The following RARB variants were observed in gnomAD, a reference collection of about 807,000 sequenced individuals.
RARB encodes the protein HBV-activated protein.
RARB carries 17 observed loss-of-function variants against 51.9 expected under a neutral mutation model. That is an observed-to-expected ratio of 0.33 (90% confidence interval 0.22 to 0.49). The LOEUF (loss-of-function observed/expected upper bound fraction) is 0.49. Ranked by LOEUF, RARB falls within the 20% of genes least tolerant of loss-of-function variation. The pLI, the probability that RARB is intolerant of heterozygous loss-of-function variation, is 0.99. For missense variants in RARB, 369 were observed against 550.8 expected, an observed-to-expected ratio of 0.67 and a Z score of 3.30; for synonymous variants, 215 against 195.4, an observed-to-expected ratio of 1.10 and a Z score of -0.84.
intron 5 of RARB, among the ~76,000 whole-genome samples, chr3:25,199,913 C>G (rs932892004): frequency 6.6e-6 from 1 of 152,122 alleles, no homozygotes; most frequent in Non-Finnish European, 1.5e-5. Flanking sequence ...CATATGTGTG[C>G]ATGTGTCTTC....
chr3:25,165,149 G>A (rs917563494), intron 4 of RARB, among the ~76,000 whole-genome samples: 2 of 152,040 alleles, frequency 1.3e-5, no homozygotes, highest in African/African-American at 4.8e-5. Flanking sequence ...AAAGACACCG[G>A]CCTCACAATG....
chr3:25,306,688 G>A (rs1027272365), intron 5 of RARB, among the ~76,000 whole-genome samples: 5 of 152,158 alleles, frequency 3.3e-5, no homozygotes, highest in African/African-American at 1.2e-4. Flanking sequence ...AAGTTCGCAT[G>A]TCATTTACTA....
chr3:25,198,995 T>C (rs1020104965), intron 5 of RARB, among the ~76,000 whole-genome samples: 6 of 152,192 alleles, frequency 3.9e-5, no homozygotes, highest in Admixed American at 3.3e-4. Context: ...TGCATTCTCA[T>C]GTTTATTGTA....
chr3:25,500,452 TTG>T (rs1244730279), intron 2 of RARB, among the ~76,000 whole-genome samples: 1 of 127,472 alleles, frequency 7.8e-6, no homozygotes, highest in East Asian at 2.2e-4. Context: ...CTTTCTTTTC[TTG>T]TTTTTTTTTT....
intron 5 of RARB, among the ~76,000 whole-genome samples, chr3:25,246,818 G>A (rs999455959): frequency 2.0e-5 from 3 of 152,150 alleles, no homozygotes; most frequent in African/African-American, 4.8e-5. Flanking sequence ...ACTTGAGGAC[G>A]CAGTCTGTCC....
At chr3:25,167,767 TGGAG>T (rs562763627) in intron 4 of RARB, among the ~76,000 whole-genome samples, 119 of 152,316 alleles carry the variant, frequency 7.8e-4, no homozygotes, top group African/African-American at 2.7e-3. Flanking sequence ...GACTGAAAAC[TGGAG>T]GAAGATGTGA....
chr3:24,984,274 T>C (rs1428474348), intron 2 of RARB, among the ~76,000 whole-genome samples: 2 of 152,142 alleles, frequency 1.3e-5, no homozygotes, highest in Non-Finnish European at 1.5e-5. Context: ...AACATGGAAA[T>C]GCACATAAAA....
At chr3:24,901,457 C>T (rs1703603170) in intron 2 of RARB, among the ~76,000 whole-genome samples, 1 of 152,066 alleles carries the variant, frequency 6.6e-6, no homozygotes, top group Admixed American at 6.6e-5. Flanking sequence ...CCCAGGCTGG[C>T]CTGGAATTCC....
rs561071224 is a variant in RARB at position 25,130,539 on chromosome 3, T to C, written c.-327-1622T>C. Among the ~76,000 whole-genome samples, 9 of 152,062 alleles carry C rather than the reference T, an allele frequency of 5.9e-5. 1 individual carries two copies. Among genetic ancestry groups the C allele is most frequent in the African/African-American group, 2.2e-4 (9 of 41,508 alleles). Reference sequence around the variant, plus strand: ...TGGACCACCTTGTATTTACTCTCTTTCCTTCCTGGCGCACTGCATTTTTTT... The same window carrying C: ...TGGACCACCTTGTATTTACTCTCTTCCCTTCCTGGCGCACTGCATTTTTTT... On this transcript the variant is annotated intron_variant, in intron 3 of 11. Transcript: ENST00000383772.
intron 5 of RARB, among the ~76,000 whole-genome samples, chr3:25,206,601 G>A (rs140023450): frequency 2.0e-4 from 30 of 151,874 alleles, no homozygotes; most frequent in African/African-American, 6.1e-4. Context: ...TAAGCTTCCC[G>A]TGTGCTTGAG....
intron 4 of RARB, among the ~76,000 whole-genome samples, chr3:25,157,350 T>TTGTGTGTGTGTGTGTG (rs748559000): frequency 2.3e-3 from 327 of 145,080 alleles, no homozygotes; most frequent in African/African-American, 4.8e-3. Flanking sequence ...GTGTGTGTGT[T>TTGTGTGTGTGTGTGTG]TGTGTGTGTG....
intron 5 of RARB, among the ~76,000 whole-genome samples, chr3:25,206,833 C>T (rs1005945870): frequency 1.3e-5 from 2 of 152,134 alleles, no homozygotes; most frequent in Non-Finnish European, 2.9e-5. Context: ...CCATGTTCAC[C>T]ACTTACACCT....
intron 5 of RARB, among the ~76,000 whole-genome samples, chr3:25,267,069 C>G (rs1703143912): frequency 6.6e-6 from 1 of 152,164 alleles, no homozygotes; most frequent in African/African-American, 2.4e-5. Context: ...TTCCCTGAAG[C>G]TCTTTAGGCA....
intron 5 of RARB, among the ~76,000 whole-genome samples, chr3:25,584,484 A>C (rs1253182978): frequency 6.6e-6 from 1 of 152,198 alleles, no homozygotes; most frequent in Non-Finnish European, 1.5e-5. Flanking sequence ...AGTGTTTCCC[A>C]GAAAGAGCCA....
At chr3:25,288,655 T>A (rs1370703684) in intron 5 of RARB, among the ~76,000 whole-genome samples, 4 of 152,152 alleles carry the variant, frequency 2.6e-5, no homozygotes, top group African/African-American at 7.2e-5. Flanking sequence ...CCATTCTTGA[T>A]CATCCATTGT....
chr3:25,442,139 T>C (rs559970399), intron 1 of RARB, among the ~76,000 whole-genome samples: 1 of 151,624 alleles, frequency 6.6e-6, no homozygotes, highest in East Asian at 1.9e-4. Context: ...TTTATTTATT[T>C]ATTTATTTAT....
At chr3:25,521,486 T>C (rs182948619) in intron 3 of RARB, among the ~76,000 whole-genome samples, 2 of 152,170 alleles carry the variant, frequency 1.3e-5, no homozygotes, top group African/African-American at 2.4e-5. Flanking sequence ...TTCTAGGATA[T>C]TCTGGGGGAA....
intron 2 of RARB, among the ~76,000 whole-genome samples, chr3:25,054,746 T>C (rs879454886): frequency 1.3e-5 from 2 of 152,256 alleles, no homozygotes; most frequent in South Asian, 2.1e-4. Context: ...CTAGCTGTTT[T>C]GCCAAAGGCC....
At chr3:25,040,648 G>A (rs765750411) in intron 2 of RARB, among the ~76,000 whole-genome samples, 1 of 152,192 alleles carries the variant, frequency 6.6e-6, no homozygotes, top group Non-Finnish European at 1.5e-5. Flanking sequence ...AGCTACTCAG[G>A]AGACTGAGGC....
Sources: gnomAD v4.1 joint callset for allele counts (sites outside exome capture counted in the v4.1 genomes callset) on GRCh38, gnomAD v4.1.1 for gene constraint, MANE v1.5 for transcripts, NCBI Gene and HGNC (gene_info 2026-07-23, HGNC 2026-07-21) for gene names.